Variants in FAM13B observed in about 807,000 individuals in gnomAD.
FAM13B encodes the protein family with sequence similarity 13 member B.
A neutral mutation model predicts 117.3 loss-of-function variants in FAM13B; 60 were observed. The ratio of observed to expected loss-of-function variants is 0.51; its 90% confidence interval spans 0.42 to 0.63. The LOEUF (loss-of-function observed/expected upper bound fraction) is 0.63. Ranked by LOEUF, FAM13B falls within the 30% of genes least tolerant of loss-of-function variation. The pLI is 0.00. For synonymous variants in FAM13B, 332 were observed against 356.1 expected, an observed-to-expected ratio of 0.93 and a Z score of 0.76; for missense variants, 972 against 1,091.9, an observed-to-expected ratio of 0.89 and a Z score of 1.55.
chr5:138,051,019 AG>A (rs1408365469), intron 1 of FAM13B, among the ~76,000 whole-genome samples: 1 of 151,664 alleles, frequency 6.6e-6, no homozygotes, highest in Non-Finnish European at 1.5e-5. Flanking sequence ...GTAGCATATT[AG>A]TGGGGGGGGG....
intron 6 of FAM13B, among the ~76,000 whole-genome samples, chr5:138,008,591 A>C (rs1381048920): frequency 6.6e-6 from 1 of 152,236 alleles, no homozygotes; most frequent in African/African-American, 2.4e-5. Flanking sequence ...TGCTATACTA[A>C]CTACCTCACA....
At position 137,952,754 on chromosome 5, in the gene FAM13B, T is replaced by A; in HGVS notation, c.1849-45A>T. On this transcript the variant is annotated intron_variant, in intron 16 of 23. Coordinates refer to ENST00000689681, the MANE Select transcript of FAM13B (RefSeq NM_001385994.1). ...AATCACTGACACTTGTGATAAGCAA[T>A]AGTTACATTAATTTATGTCCAAATA... The A allele has an allele frequency of 2.7e-6, 3 of 1,128,352 alleles. No homozygotes were observed. The South Asian group carries it at 4.1e-5, about 15-fold the overall frequency. 69.9% of individuals were successfully genotyped at this position (1,128,352 alleles called of 1,614,324 possible).
chr5:137,959,539 G>T, intron 13 of FAM13B, 77 bp downstream of exon 13: 1 of 1,450,686 alleles, frequency 6.9e-7, no homozygotes, highest in Non-Finnish European at 9.6e-7. Flanking sequence ...GAAAAGGGCT[G>T]TAGTCTTATC....
chr5:138,044,166 C>T (rs553281356), intron 1 of FAM13B, among the ~76,000 whole-genome samples: 7 of 151,966 alleles, frequency 4.6e-5, no homozygotes, highest in South Asian at 2.1e-4. Context: ...TGGCCTCAAG[C>T]GATCCTCCCA....
chr5:138,017,588 C>T (rs1785583052), intron 4 of FAM13B, among the ~76,000 whole-genome samples: 2 of 152,102 alleles, frequency 1.3e-5, no homozygotes, highest in Admixed American at 6.5e-5. Context: ...TATAATGAAG[C>T]ATGTCCCTCC....
chr5:138,018,539 C>A, intron 3 of FAM13B, 25 bp from the exon 4 acceptor site: 2 of 1,569,174 alleles, frequency 1.3e-6, no homozygotes, highest in South Asian at 2.2e-5. Flanking sequence ...GGCAATCATT[C>A]AATAAGCTGC....
chr5:138,008,306 G>A (rs1033778668), intron 6 of FAM13B, among the ~76,000 whole-genome samples: 2 of 152,132 alleles, frequency 1.3e-5, no homozygotes, highest in African/African-American at 4.8e-5. Context: ...GCCAGGCATG[G>A]TGGCATGTGC....
intron 18 of FAM13B, among the ~76,000 whole-genome samples, chr5:137,947,645 A>G (rs1465983767): frequency 6.6e-6 from 1 of 151,798 alleles, no homozygotes; most frequent in African/African-American, 2.4e-5. Flanking sequence ...GCAATGGTGC[A>G]ATCCTGGCTC....
At chr5:137,966,488 T>TATATATATATATATAGAG (rs1461425784) in intron 10 of FAM13B, among the ~76,000 whole-genome samples, 1 of 29,468 alleles carries the variant, frequency 3.4e-5, no homozygotes, top group African/African-American at 1.3e-4. Flanking sequence ...TATATATATA[T>TATATATATATATATAGAG]AGAGAGAGAG....
intron 1 of FAM13B, among the ~76,000 whole-genome samples, chr5:138,027,015 G>C (rs1205987811): frequency 6.6e-6 from 1 of 151,748 alleles, no homozygotes; most frequent in African/African-American, 2.4e-5. Flanking sequence ...CACACCTGTA[G>C]TCCCAGCTAC....
intron 1 of FAM13B, 22 bp downstream of exon 1, chr5:138,032,760 G>A (rs1352331897): frequency 2.0e-6 from 2 of 985,438 alleles, no homozygotes; most frequent in African/African-American, 1.7e-5. Context: ...GCGCAGATCC[G>A]GGTACCCGCC....
chr5:137,947,721 C>T (rs2150164194), intron 18 of FAM13B, among the ~76,000 whole-genome samples: 1 of 152,136 alleles, frequency 6.6e-6, no homozygotes, highest in Admixed American at 6.5e-5. Context: ...AGCTGGATTA[C>T]AGGCATGTGC....
At chr5:137,948,459 C>G (rs1418695055) in intron 18 of FAM13B, among the ~76,000 whole-genome samples, 3 of 152,056 alleles carry the variant, frequency 2.0e-5, no homozygotes, top group Non-Finnish European at 4.4e-5. Context: ...AGGCTGGAGG[C>G]ACAGCTCACT....
intron 3 of FAM13B, 142 bp from the exon 4 acceptor site, chr5:138,018,656 T>C: frequency 1.4e-6 from 1 of 719,190 alleles, no homozygotes; most frequent in South Asian, 1.8e-5. Context: ...AACCTTCAAA[T>C]TATACATCTA....
intron 18 of FAM13B, among the ~76,000 whole-genome samples, 199 bp downstream of exon 18, chr5:137,948,756 T>C (rs1384409872): frequency 1.3e-5 from 2 of 152,218 alleles, no homozygotes; most frequent in Non-Finnish European, 2.9e-5. Flanking sequence ...ATTCTAGTTT[T>C]TTCAGTTTTA....
chr5:137,962,981 C>G (rs762283331), intron 10 of FAM13B, among the ~76,000 whole-genome samples: 3 of 152,232 alleles, frequency 2.0e-5, no homozygotes, highest in South Asian at 2.1e-4. Flanking sequence ...CCTATTCCCC[C>G]CCAAACTAAA....
intron 7 of FAM13B, among the ~76,000 whole-genome samples, chr5:137,993,719 G>A (rs915721063): frequency 5.3e-5 from 8 of 152,136 alleles, no homozygotes; most frequent in African/African-American, 1.4e-4. Flanking sequence ...CCCAGGAGGC[G>A]GAGGTCGCAG....
intron 4 of FAM13B, among the ~76,000 whole-genome samples, chr5:138,012,822 C>T (rs550920657): frequency 6.6e-6 from 1 of 151,996 alleles, no homozygotes; most frequent in Admixed American, 6.6e-5. Flanking sequence ...TAAAAGGTTA[C>T]GGTCATGATA....
intron 10 of FAM13B, among the ~76,000 whole-genome samples, chr5:137,969,021 C>A (rs535669277): frequency 1.3e-5 from 2 of 152,214 alleles, no homozygotes; most frequent in South Asian, 4.1e-4. Flanking sequence ...AAGGCGGCAG[C>A]GAGGCTGGGG....
Sources: gnomAD v4.1 joint callset for allele counts (sites outside exome capture counted in the v4.1 genomes callset) on GRCh38, gnomAD v4.1.1 for gene constraint, MANE v1.5 for transcripts, NCBI Gene and HGNC (gene_info 2026-07-23, HGNC 2026-07-21) for gene names.